The following DENND5B variants were observed in gnomAD, a reference collection of about 807,000 sequenced individuals.
DENND5B encodes DENN domain containing 5B.
Under a neutral mutation model 140.6 loss-of-function variants are expected in DENND5B, and 34 were observed. The ratio of observed to expected loss-of-function variants is 0.24; its 90% CI spans 0.18 to 0.32. DENND5B has a LOEUF of 0.32. DENND5B is among the 10% of genes least tolerant of loss of function. The pLI is 1.00. For missense variants in DENND5B, 1,142 were observed against 1,560.2 expected, an observed-to-expected ratio of 0.73 and a Z score of 4.52; for synonymous variants, 551 against 562.1, an observed-to-expected ratio of 0.98 and a Z score of 0.28.
intron 1 of DENND5B, 136 bp downstream of exon 1, chr12:31,590,570 A>G (rs950875897): frequency 1.8e-6 from 2 of 1,086,234 alleles, no homozygotes; most frequent in East Asian, 6.8e-5. Flanking sequence ...CCCGAGCGCC[A>G]GTTCGGCCAG....
chr12:31,386,838 A>G lies in DENND5B; in HGVS notation c.*765T>C, dbSNP rs1311441056. ...AAGTACCTCAAATAACAAGAATAAA[A>G]ATGCCAAGAATGAAGTTAGTCTAGG... On this transcript the variant is annotated 3_prime_UTR_variant, in exon 21 of 21. Transcript: ENST00000389082. The G allele has an allele frequency of 2.0e-5, 3 of 152,258 alleles. No individual in the cohort carries two copies. Among genetic ancestry groups the G allele is most frequent in the Non-Finnish European group, 4.4e-5 (3 of 68,046 alleles). 9.4% of individuals were successfully genotyped at this position (152,258 alleles called of 1,614,324 possible).
intron 4 of DENND5B, among the ~76,000 whole-genome samples, chr12:31,459,656 T>G (rs1378113145): frequency 6.6e-6 from 1 of 152,124 alleles, no homozygotes; most frequent in South Asian, 2.1e-4. Flanking sequence ...GCATAAAAAC[T>G]AGGTGTTAGA....
intron 2 of DENND5B, among the ~76,000 whole-genome samples, chr12:31,493,388 A>G (rs78420519): frequency 0.011 from 1,732 of 152,290 alleles, 19 homozygotes; most frequent in East Asian, 0.031. Flanking sequence ...TCTTTTAACA[A>G]TATCTTTAAA....
At chr12:31,463,297 CAA>C (rs1591838096) in intron 3 of DENND5B, among the ~76,000 whole-genome samples, 2 of 151,808 alleles carry the variant, frequency 1.3e-5, no homozygotes, top group East Asian at 3.9e-4. Context: ...AACCCAACAA[CAA>C]CAACAAAAAC....
chr12:31,497,901 A>G (rs1591927444), intron 1 of DENND5B, among the ~76,000 whole-genome samples: 1 of 27,826 alleles, frequency 3.6e-5, no homozygotes, highest in Non-Finnish European at 6.3e-5. Flanking sequence ...GGGCAAGGGG[A>G]GGGGTAGGGG....
At position 31,451,965 on chromosome 12, in the gene DENND5B, C is replaced by T. The variant is rs773495469; in HGVS notation, c.1604G>A (p.Arg535Gln). The T allele has an allele frequency of 4.3e-6, 7 of 1,613,504 alleles. No individual in the cohort carries two copies. The highest frequency in any genetic ancestry group is 1.1e-5 in the South Asian group (1 of 90,894). The change falls in exon 5 of 21, where the codon CGG (arginine) becomes CAG (glutamine). Residue 535 changes from arginine (R) to glutamine (Q), a missense_variant. Around this residue, in one of 5 missense-constraint regions of DENND5B, gnomAD observed 708 missense variants for 905.5 expected, o/e 0.78. Transcript: ENST00000389082. ...TTTGTCAAAGTTCTGCATCTGTTCC[C>T]GGTTGGTCAGCCAGGATTCCATGTC... ...AQDMESWLTN[R>Q]EQMQNFDKAS...
At chr12:31,447,803 A>G (rs1256265995) in intron 5 of DENND5B, 34 bp from the exon 6 acceptor site, 8 of 1,443,070 alleles carry the variant, frequency 5.5e-6, no homozygotes, top group Admixed American at 4.0e-5. Flanking sequence ...TATTAGTGCA[A>G]AGAGACCATC....
Position 31,483,504 on chromosome 12 carries a change from G to A in DENND5B, c.238-3249C>T, listed in dbSNP as rs60632601. 5.7e-3 allele frequency among the ~76,000 whole-genome samples: 856 copies of A among 150,958 alleles called. 17 individuals are homozygous for A. The highest frequency in any genetic ancestry group is 0.02 in the African/African-American group (822 of 41,110). On this transcript the variant is annotated intron_variant, in intron 2 of 20. Coordinates refer to ENST00000389082, the MANE Select transcript of DENND5B (RefSeq NM_144973.4). Reference sequence around the variant, plus strand: ...CACCCAGGCTGGAGTGCAGTGGCGCGATCTCGGCTCCCTGCAACCTCTGCC... The same window carrying A: ...CACCCAGGCTGGAGTGCAGTGGCGCAATCTCGGCTCCCTGCAACCTCTGCC...
chr12:31,457,444 G>T (rs575564595), intron 4 of DENND5B, among the ~76,000 whole-genome samples: 1 of 152,086 alleles, frequency 6.6e-6, no homozygotes, highest in African/African-American at 2.4e-5. Flanking sequence ...TGTTATTTTT[G>T]TAACTATGTT....
chr12:31,397,848 C>T (rs1031062634), intron 17 of DENND5B, among the ~76,000 whole-genome samples: 3 of 152,032 alleles, frequency 2.0e-5, no homozygotes, highest in African/African-American at 7.2e-5. Flanking sequence ...CATTTGAACC[C>T]GGGAAGCAGA....
At chr12:31,434,430 T>C (rs755741205) in intron 7 of DENND5B, among the ~76,000 whole-genome samples, 28 of 152,206 alleles carry the variant, frequency 1.8e-4, no homozygotes, top group Non-Finnish European at 4.0e-4. Context: ...TTCAAGGTGG[T>C]ATGGCCGAAG....
intron 12 of DENND5B, among the ~76,000 whole-genome samples, chr12:31,414,585 C>T (rs539137875): frequency 3.7e-4 from 56 of 151,884 alleles, no homozygotes; most frequent in Middle Eastern, 3.4e-3. Flanking sequence ...TTTGGGAGGC[C>T]GAGGCGGGAG....
chr12:31,401,086 G>A (rs1468377186), intron 15 of DENND5B, among the ~76,000 whole-genome samples: 3 of 151,948 alleles, frequency 2.0e-5, no homozygotes, highest in East Asian at 3.9e-4. Context: ...CAGGTGATCC[G>A]CCTGCCTCGG....
chr12:31,567,946 C>T (rs996579438), intron 1 of DENND5B, among the ~76,000 whole-genome samples: 5 of 152,314 alleles, frequency 3.3e-5, no homozygotes, highest in Admixed American at 6.5e-5. Flanking sequence ...GCCAAGCCAT[C>T]CTCCCACCTC....
intron 11 of DENND5B, among the ~76,000 whole-genome samples, chr12:31,416,372 T>C (rs142037942): frequency 0.01 from 1,563 of 152,098 alleles, 26 homozygotes; most frequent in African/African-American, 0.036. Flanking sequence ...CAAGCAATTC[T>C]CATGCCTCAG....
intron 3 of DENND5B, among the ~76,000 whole-genome samples, chr12:31,472,354 C>T (rs994968851): frequency 4.6e-5 from 7 of 152,300 alleles, no homozygotes; most frequent in Admixed American, 2.6e-4. Flanking sequence ...TACAGTGGCA[C>T]GACCTCGGCT....
rs907266610 is a variant in DENND5B at position 31,386,769 on chromosome 12, G to A, written c.*834C>T. On this transcript the variant is annotated 3_prime_UTR_variant, in exon 21 of 21. Coordinates refer to ENST00000389082, the MANE Select transcript of DENND5B (RefSeq NM_144973.4). ...GTACAGAATCAAATTGCTGTTTGCAGTTCTTATCACTATGAATCTAACACT... is the reference window on the plus strand; with the variant it reads ...GTACAGAATCAAATTGCTGTTTGCAATTCTTATCACTATGAATCTAACACT... 3 of 152,196 alleles carry A rather than the reference G, an allele frequency of 2.0e-5. No homozygotes were observed. Among genetic ancestry groups the A allele is most frequent in the African/African-American group, 7.2e-5 (3 of 41,458 alleles). The allele number at this position is 152,196 out of a possible 1,614,324, so 9.4% of individuals were successfully genotyped here.
chr12:31,429,207 C>T (rs1237386294), intron 8 of DENND5B, among the ~76,000 whole-genome samples: 1 of 151,648 alleles, frequency 6.6e-6, no homozygotes, highest in African/African-American at 2.4e-5. Flanking sequence ...CAGGGTTTCA[C>T]TATGTTGGTC....
intron 1 of DENND5B, among the ~76,000 whole-genome samples, chr12:31,576,721 A>G (rs1950030103): frequency 6.7e-6 from 1 of 149,644 alleles, no homozygotes; most frequent in Non-Finnish European, 1.5e-5. Flanking sequence ...CATCTCTACA[A>G]AAAAAAAATG....
Sources: allele counts gnomAD v4.1 joint callset (sites outside exome capture counted in the v4.1 genomes callset), GRCh38; gene constraint gnomAD v4.1.1; regional missense constraint gnomAD v4.1.1; transcripts MANE v1.5; gene names NCBI Gene and HGNC (gene_info 2026-07-23, HGNC 2026-07-21).